The following ZFAND3 variants were observed in gnomAD, a reference collection of about 807,000 sequenced individuals.
ZFAND3 encodes the protein AN1-type zinc finger protein 3.
A neutral mutation model predicts 29.6 loss-of-function variants in ZFAND3; 10 were observed. The ratio of observed to expected loss-of-function variants is 0.34; its 90% CI spans 0.21 to 0.57. ZFAND3 has a LOEUF of 0.57. Among genes scored for constraint, ZFAND3 ranks in the 20% least tolerant of loss-of-function variants. The pLI is 0.86. For synonymous variants in ZFAND3, 128 were observed against 112.6 expected (o/e 1.14, Z -0.87); for missense variants, 230 against 304.5 (o/e 0.76, Z 1.82).
intron 3 of ZFAND3, among the ~76,000 whole-genome samples, chr6:38,074,991 C>T (rs1240013642): frequency 6.6e-6 from 1 of 152,202 alleles, no homozygotes; most frequent in Non-Finnish European, 1.5e-5. Flanking sequence ...TATAGACCTA[C>T]TGCTGAGAAA....
intron 3 of ZFAND3, among the ~76,000 whole-genome samples, chr6:38,077,948 A>T (rs1231215967): frequency 6.6e-6 from 1 of 152,196 alleles, no homozygotes; most frequent in Non-Finnish European, 1.5e-5. Context: ...ACTCTATAGG[A>T]GACTGGAAAA....
rs1339764918 is a variant in ZFAND3 at position 37,883,690 on chromosome 6, C to T, written c.72-46269C>T. On this transcript the variant is annotated intron_variant, in intron 1 of 5. Coordinates refer to ENST00000287218, the MANE Select transcript of ZFAND3 (RefSeq NM_021943.3). ...CTGAGTAGCTGGGATTACAGGTGCC[C>T]GCCACCATGCCTGGCTAATTTTTGT... Among the ~76,000 whole-genome samples, 2 of 143,998 alleles carry T rather than the reference C, an allele frequency of 1.4e-5. 1 individual carries two copies. The highest frequency in any genetic ancestry group is 3.0e-5 in the Non-Finnish European group (2 of 67,200). The allele number at this position is 143,998 out of a possible 152,430, so 94.5% of individuals were successfully genotyped here.
rs200573304 is a variant in ZFAND3 at position 37,840,103 on chromosome 6, A to ATT, written c.71+20097_71+20098dup. Among the ~76,000 whole-genome samples the ATT allele has an allele frequency of 2.1e-5, 3 of 144,888 alleles. No homozygotes were observed. The East Asian group carries it at 6.0e-4, about 29-fold the overall frequency. ...TATTTTACATTTAAGTTGGTTATCT[A>ATT]TTTTTTTTTTTGAGATGGAGTTTCG... On this transcript the variant is annotated intron_variant, in intron 1 of 5. Transcript: ENST00000287218.
chr6:38,055,208 A>G (rs1764110278), intron 2 of ZFAND3, among the ~76,000 whole-genome samples: 1 of 152,210 alleles, frequency 6.6e-6, no homozygotes, highest in African/African-American at 2.4e-5. Context: ...AAATTTGACT[A>G]CTTGAAACAT....
At chr6:38,047,092 G>A (rs888339292) in intron 2 of ZFAND3, among the ~76,000 whole-genome samples, 3 of 151,990 alleles carry the variant, frequency 2.0e-5, no homozygotes, top group African/African-American at 7.2e-5. Context: ...GGAGGTATGC[G>A]GATCACTTGA....
intron 2 of ZFAND3, among the ~76,000 whole-genome samples, chr6:38,035,480 G>T (rs1237188341): frequency 3.9e-5 from 6 of 152,116 alleles, no homozygotes; most frequent in Non-Finnish European, 8.8e-5. Context: ...TCCTCAAAAA[G>T]GGAGAGAGGG....
In ZFAND3 at chr6:37,819,740, C is replaced by G. The variant is rs1763620649; in HGVS notation, c.-206C>G. On this transcript the variant is annotated 5_prime_UTR_variant, in exon 1 of 6. Coordinates refer to ENST00000287218, the MANE Select transcript of ZFAND3 (RefSeq NM_021943.3). ...CCTCTCCGCCCCCTCCCCGTCTCCG[C>G]AGGCCGAGTGGTGCGGCCCGCCTCC... 1 of 212,276 alleles carries G rather than the reference C, an allele frequency of 4.7e-6. No homozygotes were observed. Among genetic ancestry groups the G allele is most frequent in the African/African-American group, 2.3e-5 (1 of 42,738 alleles). The allele number at this position is 212,276 out of a possible 1,614,324, so 13.1% of individuals were successfully genotyped here.
At chr6:37,962,527 C>T (rs192400152) in intron 2 of ZFAND3, among the ~76,000 whole-genome samples, 157 of 152,250 alleles carry the variant, frequency 1.0e-3, no homozygotes, top group Admixed American at 1.4e-3. Flanking sequence ...CTGGTGGGGA[C>T]TTGGAGAACT....
intron 2 of ZFAND3, among the ~76,000 whole-genome samples, chr6:37,976,761 G>A (rs1434241334): frequency 2.0e-5 from 3 of 152,088 alleles, no homozygotes; most frequent in African/African-American, 7.2e-5. Flanking sequence ...GAAAGAGGAA[G>A]GGCCACACTT....
intron 2 of ZFAND3, among the ~76,000 whole-genome samples, chr6:37,949,428 C>G (rs1392657987): frequency 6.6e-6 from 1 of 152,024 alleles, no homozygotes; most frequent in African/African-American, 2.4e-5. Flanking sequence ...GGGGGGGTCT[C>G]TCCCCACCAC....
rs549964713 is a variant in ZFAND3, at chr6:38,122,293, C to T, written c.529+5554C>T. ...TGTCATCTCTAGATTACCTAGAATA[C>T]CTAATACAATGTAAATGCTATGTAA... is the stretch of plus-strand genomic sequence containing the variant. On this transcript the variant is annotated intron_variant, in intron 5 of 5. Transcript: ENST00000287218. Among the ~76,000 whole-genome samples the T allele has an allele frequency of 2.0e-5, 3 of 152,248 alleles. No homozygotes were observed. In the South Asian group the frequency reaches 6.2e-4, roughly 32 times the overall value.
intron 2 of ZFAND3, among the ~76,000 whole-genome samples, chr6:38,037,924 C>T (rs923532450): frequency 6.6e-6 from 1 of 152,302 alleles, no homozygotes; most frequent in Non-Finnish European, 1.5e-5. Context: ...TTAATCCTTT[C>T]TTGCAGTGAG....
chr6:38,082,282 A>G (rs1764678512), intron 3 of ZFAND3, 110 bp from the exon 4 acceptor site: 1 of 958,426 alleles, frequency 1.0e-6, no homozygotes, highest in Admixed American at 2.8e-5. Context: ...TCCTCGTTAT[A>G]TTTTCAGGTT....
chr6:37,989,688 A>G (rs554076912), intron 2 of ZFAND3, among the ~76,000 whole-genome samples: 8 of 151,890 alleles, frequency 5.3e-5, no homozygotes, highest in South Asian at 4.2e-4. Flanking sequence ...GGTGACACCA[A>G]TTGCAAGGGC....
intron 2 of ZFAND3, among the ~76,000 whole-genome samples, chr6:38,041,787 T>C (rs1188417033): frequency 4.1e-4 from 1 of 2,464 alleles, no homozygotes; most frequent in African/African-American, 5.1e-4. Flanking sequence ...CCTCCTCTTC[T>C]TTCTTCTTCT....
chr6:38,104,287 G>C (rs1342363729), intron 4 of ZFAND3, among the ~76,000 whole-genome samples: 1 of 151,898 alleles, frequency 6.6e-6, no homozygotes, highest in Non-Finnish European at 1.5e-5. Flanking sequence ...CCTCGCGTAT[G>C]AGCTGTAGGA....
chr6:37,950,700 T>C (rs1418704236), intron 2 of ZFAND3, among the ~76,000 whole-genome samples: 1 of 152,124 alleles, frequency 6.6e-6, no homozygotes, highest in Non-Finnish European at 1.5e-5. Context: ...TTGATGGTTA[T>C]AGTTGTATGG....
At chr6:37,842,999 G>A in intron 1 of ZFAND3, among the ~76,000 whole-genome samples, 1 of 151,714 alleles carries the variant, frequency 6.6e-6, no homozygotes, top group Non-Finnish European at 1.5e-5. Flanking sequence ...GTGTGTGCCT[G>A]TAATCCCAGC....
intron 2 of ZFAND3, among the ~76,000 whole-genome samples, chr6:37,938,918 T>C (rs1021482066): frequency 6.6e-6 from 1 of 152,134 alleles, no homozygotes. Flanking sequence ...ATAGGGAAAA[T>C]GGAAGAAATT....
Sources: allele counts gnomAD v4.1 joint callset (sites outside exome capture counted in the v4.1 genomes callset), GRCh38; gene constraint gnomAD v4.1.1; transcripts MANE v1.5; gene names NCBI Gene and HGNC (gene_info 2026-07-23, HGNC 2026-07-21).